CDC20B: variants seen among roughly 807,000 people sequenced by gnomAD.
CDC20B encodes cell division cycle 20B, also known as cell division cycle protein 20 homolog B.
Under a neutral mutation model 64.1 loss-of-function variants are expected in CDC20B, and 58 were observed. The observed-to-expected ratio is 0.90, with a 90% confidence interval of 0.73 to 1.13. The LOEUF is 1.13. Among genes scored for constraint, CDC20B ranks in the 50% most tolerant of loss-of-function variants. The probability of loss-of-function intolerance (pLI) is 0.00; values close to 1 mark genes in which losing one functional copy is unlikely to be tolerated. For missense variants in CDC20B, 597 were observed against 633.0 expected, an observed-to-expected ratio of 0.94 and a Z score of 0.61; for synonymous variants, 243 against 230.6, an observed-to-expected ratio of 1.05 and a Z score of -0.49.
At chr5:55,134,717 AGAGT>A (rs1232206492) in intron 5 of CDC20B, among the ~76,000 whole-genome samples, 1 of 152,238 alleles carries the variant, frequency 6.6e-6, no homozygotes, top group Admixed American at 6.5e-5. Context: ...CCTGGGTGAC[AGAGT>A]GAGGTTCTGT....
At chr5:55,154,747 G>T (rs2111912461) in intron 2 of CDC20B, among the ~76,000 whole-genome samples, 2 of 152,248 alleles carry the variant, frequency 1.3e-5, no homozygotes, top group South Asian at 2.1e-4. Context: ...TAGTGGTATA[G>T]ATGAACACTA....
At position 55,119,821 on chromosome 5, in the gene CDC20B, G is replaced by A. The variant is rs267600653; in HGVS notation, c.1439C>T (p.Ser480Phe). ...CTTACCAAAAAACCCACCTGACCTG[G>A]ACACAGTGGGACAGGTCCACACAGT... ...DVTVWTCPTV[S>F]RSGGFFGHRG... The change falls in exon 11 of 12, where the codon TCC becomes TTC. Residue 480 changes from serine (S) to phenylalanine (F), a missense_variant. By Grantham distance (155) the Ser-to-Phe change is radical. Transcript: ENST00000381375. 7.4e-5 allele frequency: 120 copies of A among 1,613,464 alleles called. No individual in the cohort carries two copies. The highest frequency in any genetic ancestry group is 1.6e-4 in the Middle Eastern group (1 of 6,082).
intron 2 of CDC20B, chr5:55,164,230 C>G (rs374800679): frequency 4.0e-6 from 6 of 1,508,130 alleles, no homozygotes; most frequent in Non-Finnish European, 5.4e-6. Flanking sequence ...AATGCCATTG[C>G]GTTTCTAATA....
intron 3 of CDC20B, among the ~76,000 whole-genome samples, chr5:55,145,890 T>G (rs1359232588): frequency 6.6e-6 from 1 of 152,024 alleles, no homozygotes; most frequent in Non-Finnish European, 1.5e-5. Flanking sequence ...ATTTCACATC[T>G]GATTATTCCA....
chr5:55,128,274 A>G (rs1742942901), intron 7 of CDC20B, 147 bp downstream of exon 7: 2 of 563,528 alleles, frequency 3.5e-6, no homozygotes, highest in Non-Finnish European at 5.7e-6. Context: ...AAAAAAAAAA[A>G]AAAAGCGGAA....
chr5:55,163,998 G>A, intron 2 of CDC20B: 4 of 1,321,884 alleles, frequency 3.0e-6, no homozygotes, highest in Non-Finnish European at 2.1e-6. Context: ...TAATAGAAGT[G>A]AAAATCTTGA....
At chr5:55,148,444 C>T (rs931988567) in intron 2 of CDC20B, among the ~76,000 whole-genome samples, 1 of 152,214 alleles carries the variant, frequency 6.6e-6, no homozygotes, top group Non-Finnish European at 1.5e-5. Flanking sequence ...CCGGCCGTGG[C>T]GGCTCATGCT....
intron 4 of CDC20B, among the ~76,000 whole-genome samples, chr5:55,141,689 C>T (rs770744231): frequency 5.9e-5 from 9 of 152,160 alleles, no homozygotes; most frequent in Non-Finnish European, 8.8e-5. Context: ...TTTTGTTTTT[C>T]TTCCTTGATG....
chr5:55,146,611 C>T lies in CDC20B; in HGVS notation c.355+17G>A. On this transcript the variant is annotated intron_variant, in intron 3 of 11. Coordinates refer to ENST00000381375, the MANE Select transcript of CDC20B (RefSeq NM_001170402.1). ...TTCACGTTGCAAAACGGGGCTGTGG[C>T]GTTTGGGGCACCTCACCTAGAGTCA... 1 of 1,585,914 alleles carries T rather than the reference C, an allele frequency of 6.3e-7. No homozygotes were observed. The highest frequency in any genetic ancestry group is 1.1e-5 in the South Asian group (1 of 90,338).
chr5:55,131,450 G>A (rs529619047), intron 6 of CDC20B, among the ~76,000 whole-genome samples: 1 of 152,140 alleles, frequency 6.6e-6, no homozygotes, highest in Non-Finnish European at 1.5e-5. Flanking sequence ...GGAAATGGAA[G>A]AGAAACACAA....
At chr5:55,136,128 A>G (rs955208494) in intron 5 of CDC20B, 1 of 152,016 alleles carries the variant, frequency 6.6e-6, no homozygotes, top group African/African-American at 2.4e-5. Context: ...GTGTATTTTT[A>G]GTAGAGACAG....
Position 55,119,931 on chromosome 5 carries a change from T to C in CDC20B, c.1342-13A>G. 6.4e-7 allele frequency: 1 copy of C among 1,564,322 alleles called. No homozygotes were observed. The highest frequency in any genetic ancestry group is 8.8e-7 in the Non-Finnish European group (1 of 1,134,820). On this transcript the variant is annotated splice_polypyrimidine_tract_variant and intron_variant, in intron 10 of 11. Coordinates refer to ENST00000381375, the MANE Select transcript of CDC20B (RefSeq NM_001170402.1). The stretch of plus-strand genomic sequence containing the variant: ...TTAAGGAACAAATCTGTAATAATGA[T>C]CAAAAATAGAGAATTCTTGCAATTT...
rs1347754913 is a variant in CDC20B, at chr5:55,172,964, C to T, written c.37G>A (p.Val13Ile). ...WKLERTAPRR[V>I]RTEEEMLWES... Reference sequence around the variant, plus strand: ...CACAGCATCTCCTCTTCCGTGCGGACCCTCCGAGGCGCGGTGCGCTCCAGT... The same window carrying T: ...CACAGCATCTCCTCTTCCGTGCGGATCCTCCGAGGCGCGGTGCGCTCCAGT... The change falls in exon 1 of 12, where the codon GTC (valine) becomes ATC (isoleucine). Residue 13 changes from valine to isoleucine, a missense_variant. Around this residue, in one of 3 missense-constraint regions of CDC20B, gnomAD observed 241 missense variants for 219.2 expected, o/e 1.10. Coordinates refer to ENST00000381375, the MANE Select transcript of CDC20B (RefSeq NM_001170402.1). 1.9e-6 allele frequency: 3 copies of T among 1,611,734 alleles called. No individual in the cohort carries two copies. The highest frequency in any genetic ancestry group is 2.2e-5 in the South Asian group (2 of 90,222).
chr5:55,165,608 T>C (rs1194137617), intron 2 of CDC20B: 1 of 152,230 alleles, frequency 6.6e-6, no homozygotes, highest in East Asian at 1.9e-4. Context: ...ATGAAGCATC[T>C]TCTGCTTCAG....
At chr5:55,138,067 C>T (rs1743230114) in intron 5 of CDC20B, among the ~76,000 whole-genome samples, 1 of 151,426 alleles carries the variant, frequency 6.6e-6, no homozygotes, top group South Asian at 2.1e-4. Flanking sequence ...CAGAAGAAAC[C>T]AGATGTTTAT....
intron 5 of CDC20B, chr5:55,135,940 C>T (rs1743153311): frequency 6.6e-6 from 1 of 150,412 alleles, no homozygotes; most frequent in Non-Finnish European, 1.5e-5. Context: ...AGAAAATTTC[C>T]AAAAAAAATA....
intron 6 of CDC20B, among the ~76,000 whole-genome samples, chr5:55,131,137 C>A (rs998403221): frequency 6.6e-6 from 1 of 151,902 alleles, no homozygotes; most frequent in Non-Finnish European, 1.5e-5. Context: ...TCCCTCAAAA[C>A]CTCCCTCAAA....
At chr5:55,146,942 C>A (rs907896451) in intron 2 of CDC20B, 86 bp from the exon 3 acceptor site, 14 of 777,328 alleles carry the variant, frequency 1.8e-5, no homozygotes, top group Non-Finnish European at 2.9e-5. Flanking sequence ...ACAAATGACT[C>A]ATCTAGTACA....
intron 5 of CDC20B, 30 bp from the exon 6 acceptor site, chr5:55,133,558 C>G (rs773515483): frequency 1.1e-6 from 1 of 916,144 alleles, no homozygotes; most frequent in African/African-American, 1.7e-5. Context: ...CTACACAGCT[C>G]TAAGATCCTG....
Sources: gnomAD v4.1 joint callset for allele counts (sites outside exome capture counted in the v4.1 genomes callset) on GRCh38, gnomAD v4.1.1 for gene constraint, gnomAD v4.1.1 regional missense constraint, MANE v1.5 for transcripts, NCBI Gene and HGNC (gene_info 2026-07-23, HGNC 2026-07-21) for gene names.